Variants in GABPA observed in about 807,000 individuals in gnomAD.
GABPA encodes GA-binding protein alpha chain.
In GABPA, 4 loss-of-function variants were observed where a neutral mutation model predicts 59.4. The observed-to-expected ratio is 0.07, with a 90% CI of 0.03 to 0.15. The LOEUF (loss-of-function observed/expected upper bound fraction) is 0.15. Ranked by LOEUF, GABPA falls within the 10% of genes least tolerant of loss-of-function variation. GABPA has a pLI of 1.00. For synonymous variants in GABPA, 164 were observed against 183.1 expected (o/e 0.90, Z 0.84); for missense variants, 251 against 543.8 (o/e 0.46, Z 5.36).
At chr21:25,750,737 T>C (rs2035488927) in intron 4 of GABPA, among the ~76,000 whole-genome samples, 1 of 152,188 alleles carries the variant, frequency 6.6e-6, no homozygotes, top group Non-Finnish European at 1.5e-5. Flanking sequence ...GGACTGATTA[T>C]TGGGAATAGG....
At chr21:25,768,094 A>G (rs977284387) in intron 9 of GABPA, among the ~76,000 whole-genome samples, 6 of 152,074 alleles carry the variant, frequency 3.9e-5, no homozygotes, top group African/African-American at 1.4e-4. Flanking sequence ...GGAATTAGCA[A>G]TACATAGTGT....
intron 5 of GABPA, among the ~76,000 whole-genome samples, chr21:25,753,383 G>C (rs944386130): frequency 2.0e-5 from 3 of 152,192 alleles, no homozygotes; most frequent in Admixed American, 1.3e-4. Flanking sequence ...AGTCTACGTA[G>C]TCCCTGATGG....
intron 2 of GABPA, among the ~76,000 whole-genome samples, chr21:25,742,159 GA>G: frequency 6.6e-6 from 1 of 152,194 alleles, no homozygotes; most frequent in East Asian, 1.9e-4. Flanking sequence ...AAAATGTAGT[GA>G]AAAGTGTTAA....
intron 1 of GABPA, among the ~76,000 whole-genome samples, chr21:25,738,726 C>T (rs1232994448): frequency 6.6e-6 from 1 of 152,098 alleles, no homozygotes; most frequent in Non-Finnish European, 1.5e-5. Flanking sequence ...AGGTAGTACT[C>T]TTCAGAGTAC....
chr21:25,753,074 A>G (rs2035552782), intron 5 of GABPA, among the ~76,000 whole-genome samples: 3 of 152,336 alleles, frequency 2.0e-5, no homozygotes, highest in South Asian at 4.1e-4. Context: ...AATTGGTTCC[A>G]TCATCATTAC....
chr21:25,770,086 T>TA lies in GABPA; in HGVS notation c.*860dup, dbSNP rs2035979932. The TA allele has an allele frequency of 1.3e-5, 2 of 152,598 alleles. No individual in the cohort carries two copies. Among genetic ancestry groups the TA allele is most frequent in the African/African-American group, 2.4e-5 (1 of 41,458 alleles). 9.5% of individuals were successfully genotyped at this position (152,598 alleles called of 1,614,324 possible). On this transcript the variant is annotated 3_prime_UTR_variant, in exon 10 of 10. Coordinates refer to ENST00000400075, the MANE Select transcript of GABPA (RefSeq NM_002040.4). ...TTTGGTTTGTTATGGCTTCCTTTTT[T>TA]AAAAAATTACCCTGTAGTGCCAGTT...
In GABPA at chr21:25,737,573, G is replaced by A. The variant is rs552443765; in HGVS notation, c.-27+1995G>A. On this transcript the variant is annotated intron_variant, in intron 1 of 9. Transcript: ENST00000400075. ...CTATAAATTTTTTGAAAGATCATAG[G>A]ATAAATTTCTTTGTAGCAACTTCCT... is the stretch of plus-strand genomic sequence containing the variant. 2.6e-5 allele frequency among the ~76,000 whole-genome samples: 4 copies of A among 152,234 alleles called. No individual in the cohort carries two copies. The South Asian group carries it at 8.3e-4, about 32-fold the overall frequency.
intron 1 of GABPA, among the ~76,000 whole-genome samples, chr21:25,741,331 G>A (rs560036698): frequency 8.6e-5 from 13 of 151,802 alleles, no homozygotes; most frequent in African/African-American, 2.7e-4. Flanking sequence ...ACAGGATTTC[G>A]CCAAGTTACC....
chr21:25,755,453 A>AAAAC (rs144668585), intron 5 of GABPA, among the ~76,000 whole-genome samples: 1 of 145,210 alleles, frequency 6.9e-6, no homozygotes, highest in African/African-American at 2.6e-5. Context: ...AAAAAAAAAA[A>AAAAC]GGGCAAAGAA....
chr21:25,744,303 T>G (rs1259193789), intron 2 of GABPA, among the ~76,000 whole-genome samples: 1 of 151,992 alleles, frequency 6.6e-6, no homozygotes, highest in Non-Finnish European at 1.5e-5. Context: ...GCCGGCCTGG[T>G]GTGAACATAG....
rs532026183 is a variant in GABPA, at chr21:25,752,321, T to G, written c.553+87T>G. ...CACTAGGGTAAGTTATAATCTATTT[T>G]ACATGTAGAGTTATTAGGATGAATG... On this transcript the variant is annotated intron_variant, in intron 5 of 9. Transcript: ENST00000400075. 3.7e-5 allele frequency: 48 copies of G among 1,303,376 alleles called. No individual in the cohort carries two copies. In the East Asian group the frequency reaches 5.4e-4, roughly 15 times the overall value. 80.7% of individuals were successfully genotyped at this position (1,303,376 alleles called of 1,614,324 possible).
intron 6 of GABPA, among the ~76,000 whole-genome samples, chr21:25,758,534 C>T (rs2035690827): frequency 6.6e-6 from 1 of 152,204 alleles, no homozygotes; most frequent in African/African-American, 2.4e-5. Flanking sequence ...GTGCCCTACA[C>T]TTAGCCCTCT....
Position 25,735,241 on chromosome 21 carries a change from C to A in GABPA, c.-364C>A. The A allele has an allele frequency of 1.8e-6, 1 of 568,710 alleles. No homozygotes were observed. Among genetic ancestry groups the A allele is most frequent in the Non-Finnish European group, 3.2e-6 (1 of 315,400 alleles). 35.2% of individuals were successfully genotyped at this position (568,710 alleles called of 1,614,324 possible). Reference sequence around the variant, plus strand: ...TCAGCGTCCTGTTCGTTAGGGTTATCGAAGTGTATAAAGGTGCAGGGAAAG... The same window carrying A: ...TCAGCGTCCTGTTCGTTAGGGTTATAGAAGTGTATAAAGGTGCAGGGAAAG... On this transcript the variant is annotated 5_prime_UTR_variant, in exon 1 of 10. Transcript: ENST00000400075.
intron 3 of GABPA, among the ~76,000 whole-genome samples, 187 bp from the exon 4 acceptor site, chr21:25,748,849 T>C (rs1210679597): frequency 6.6e-6 from 1 of 152,182 alleles, no homozygotes; most frequent in Admixed American, 6.5e-5. Context: ...ACTTCCTCAG[T>C]GGTGAAAATA....
intron 3 of GABPA, 48 bp downstream of exon 3, chr21:25,745,402 A>T: frequency 6.4e-7 from 1 of 1,567,068 alleles, no homozygotes; most frequent in South Asian, 1.1e-5. Context: ...TAGTCTGCAT[A>T]GGAATATTTT....
intron 9 of GABPA, among the ~76,000 whole-genome samples, chr21:25,768,036 A>G (rs1052210077): frequency 2.6e-5 from 4 of 152,090 alleles, no homozygotes; most frequent in African/African-American, 9.7e-5. Context: ...GGGCTTTGCA[A>G]TCTGCCAGTC....
chr21:25,746,231 T>C (rs1346356299), intron 3 of GABPA, among the ~76,000 whole-genome samples: 1 of 152,114 alleles, frequency 6.6e-6, no homozygotes, highest in Admixed American at 6.6e-5. Flanking sequence ...GCCAGGCTGC[T>C]CTTGAACTCC....
chr21:25,741,104 ATTAG>A (rs895324896), intron 1 of GABPA, among the ~76,000 whole-genome samples: 13 of 152,204 alleles, frequency 8.5e-5, no homozygotes, highest in Non-Finnish European at 1.9e-4. Flanking sequence ...TTTTTAAAAA[ATTAG>A]TTTATAAATG....
At chr21:25,762,895 T>C (rs927211343) in intron 7 of GABPA, 1 of 270,864 alleles carries the variant, frequency 3.7e-6, no homozygotes, top group African/African-American at 2.3e-5. Flanking sequence ...TACATTCTAA[T>C]GGATCATCTG....
Sources: gnomAD v4.1 joint callset for allele counts (sites outside exome capture counted in the v4.1 genomes callset) on GRCh38, gnomAD v4.1.1 for gene constraint, MANE v1.5 for transcripts, NCBI Gene and HGNC (gene_info 2026-07-23, HGNC 2026-07-21) for gene names.